The following CSMD1 variants were observed in gnomAD, a reference collection of about 807,000 sequenced individuals.
CSMD1 encodes the protein CUB and Sushi multiple domains 1.
In CSMD1, 213 loss-of-function variants were observed where a neutral mutation model predicts 417.5. That is an observed-to-expected ratio of 0.51 (90% CI 0.46 to 0.57). The LOEUF is 0.57. CSMD1 is among the 20% of genes least tolerant of loss of function. The pLI, the probability that CSMD1 is intolerant of heterozygous loss-of-function variation, is 0.00. For missense variants in CSMD1, 6,923 were observed against 4,529.7 expected (o/e 1.53, Z -15.17); for synonymous variants, 2,862 against 1,736.8 (o/e 1.65, Z -16.11).
At chr8:3,375,821 C>T (rs1237451153) in intron 18 of CSMD1, among the ~76,000 whole-genome samples, 2 of 152,182 alleles carry the variant, frequency 1.3e-5, no homozygotes, top group Non-Finnish European at 2.9e-5. Flanking sequence ...ATTTGATCAT[C>T]ATCTACCTTC....
intron 2 of CSMD1, among the ~76,000 whole-genome samples, chr8:4,501,066 A>T (rs190895611): frequency 7.9e-5 from 12 of 152,278 alleles, no homozygotes; most frequent in Admixed American, 7.9e-4. Context: ...TGGGCCAAAA[A>T]AGATATAATA....
At chr8:4,712,296 G>C (rs1425759946) in intron 1 of CSMD1, among the ~76,000 whole-genome samples, 1 of 152,176 alleles carries the variant, frequency 6.6e-6, no homozygotes, top group Non-Finnish European at 1.5e-5. Context: ...TTCAGTGTGG[G>C]AGATGTAATT....
chr8:3,110,005 T>A (rs1816397440), intron 43 of CSMD1, among the ~76,000 whole-genome samples, 153 bp downstream of exon 43: 1 of 152,220 alleles, frequency 6.6e-6, no homozygotes. Flanking sequence ...GTGAAATTGA[T>A]TCCCTATATC....
chr8:4,134,751 C>G lies in CSMD1; in HGVS notation c.416-102652G>C, dbSNP rs1305241570. Among the ~76,000 whole-genome samples, 3 of 152,174 alleles carry G rather than the reference C, an allele frequency of 2.0e-5. No homozygotes were observed. The East Asian group carries it at 5.8e-4, about 29-fold the overall frequency. ...GAGTCTCCTCCTGACATTCATGTCT[C>G]CAATATACCCCTTCTGAGCCATTCT... On this transcript the variant is annotated intron_variant, in intron 3 of 69. Transcript: ENST00000635120.
At position 4,184,849 on chromosome 8, in the gene CSMD1, A is replaced by G. The variant is rs185946383; in HGVS notation, c.416-152750T>C. Among the ~76,000 whole-genome samples, 658 of 152,136 alleles carry G rather than the reference A, an allele frequency of 4.3e-3. 3 individuals are homozygous for G. Among genetic ancestry groups the G allele is most frequent in the African/African-American group, 0.015 (609 of 41,498 alleles). On this transcript the variant is annotated intron_variant, in intron 3 of 69. Coordinates refer to ENST00000635120, the MANE Select transcript of CSMD1 (RefSeq NM_033225.6). Reference sequence around the variant, plus strand: ...GTACCCCTGAATTTAAAATACCCCAACACTTTCGGAGGCCAAGGTGGGTGG... The same window carrying G: ...GTACCCCTGAATTTAAAATACCCCAGCACTTTCGGAGGCCAAGGTGGGTGG...
intron 58 of CSMD1, 41 bp from the exon 59 acceptor site, chr8:2,965,995 T>C: frequency 6.6e-7 from 1 of 1,516,706 alleles, no homozygotes; most frequent in Non-Finnish European, 9.0e-7. Flanking sequence ...GAAATTCATT[T>C]ACCATGAAAT....
At chr8:3,384,095 T>C (rs553493984) in intron 18 of CSMD1, among the ~76,000 whole-genome samples, 1 of 152,178 alleles carries the variant, frequency 6.6e-6, no homozygotes, top group East Asian at 1.9e-4. Context: ...CCTGGAAAAG[T>C]TCGTTTAGTG....
intron 2 of CSMD1, among the ~76,000 whole-genome samples, chr8:4,635,612 T>A (rs1162443397): frequency 6.6e-6 from 1 of 152,132 alleles, no homozygotes; most frequent in Non-Finnish European, 1.5e-5. Context: ...TCACACACAT[T>A]GGCATTTGAA....
chr8:3,547,985 A>G (rs1377586172), intron 10 of CSMD1, among the ~76,000 whole-genome samples: 1 of 148,436 alleles, frequency 6.7e-6, no homozygotes, highest in Non-Finnish European at 1.5e-5. Context: ...TATGGTAAAG[A>G]AAAAAATAAC....
intron 5 of CSMD1, among the ~76,000 whole-genome samples, chr8:3,776,315 T>G (rs140085829): frequency 1.2e-3 from 178 of 152,194 alleles, no homozygotes; most frequent in African/African-American, 4.1e-3. Context: ...ACAACCCAAA[T>G]TAGATCACAT....
chr8:3,133,081 G>C (rs904909019), intron 41 of CSMD1, among the ~76,000 whole-genome samples: 2 of 152,188 alleles, frequency 1.3e-5, no homozygotes, highest in African/African-American at 4.8e-5. Flanking sequence ...CCAGCTCTGC[G>C]TGAGCCTGCA....
intron 1 of CSMD1, among the ~76,000 whole-genome samples, chr8:4,762,076 G>C (rs896933943): frequency 6.6e-6 from 1 of 152,048 alleles, no homozygotes; most frequent in Non-Finnish European, 1.5e-5. Context: ...AATGATGTAA[G>C]TATAGTAGCT....
At chr8:3,399,233 G>A (rs1811887863) in intron 16 of CSMD1, among the ~76,000 whole-genome samples, 158 bp downstream of exon 16, 1 of 152,116 alleles carries the variant, frequency 6.6e-6, no homozygotes, top group Non-Finnish European at 1.5e-5. Flanking sequence ...CACTGAAGAA[G>A]AACAAAACTT....
intron 49 of CSMD1, among the ~76,000 whole-genome samples, chr8:3,062,565 A>T (rs1305897951): frequency 1.3e-5 from 2 of 152,060 alleles, no homozygotes; most frequent in Admixed American, 6.6e-5. Context: ...ATTAAAAAAA[A>T]AAAAGCCCAG....
intron 15 of CSMD1, among the ~76,000 whole-genome samples, chr8:3,404,601 G>T (rs1161526): frequency 0.82 from 125,079 of 152,132 alleles, 51,805 homozygotes; most frequent in South Asian, 0.87. Context: ...ATATATTCCT[G>T]TTCTATTCAC....
intron 21 of CSMD1, among the ~76,000 whole-genome samples, chr8:3,354,944 G>GATCTATCT (rs1285611160): frequency 3.0e-5 from 2 of 66,004 alleles, no homozygotes; most frequent in East Asian, 5.7e-4. Flanking sequence ...GATATATATA[G>GATCTATCT]AGAGACAGAG....
At chr8:3,029,224 A>G (rs1563255087) in intron 51 of CSMD1, 95 bp downstream of exon 51, 3 of 947,172 alleles carry the variant, frequency 3.2e-6, no homozygotes, top group Admixed American at 5.5e-5. Context: ...ACTATGGTAG[A>G]TGATAGCTCC....
intron 1 of CSMD1, among the ~76,000 whole-genome samples, chr8:4,894,404 T>C (rs889237878): frequency 1.3e-5 from 2 of 151,980 alleles, no homozygotes; most frequent in Non-Finnish European, 2.9e-5. Context: ...TCACTCTTTC[T>C]CTGCCCATTT....
chr8:3,005,813 T>A (rs1324398705), intron 52 of CSMD1, among the ~76,000 whole-genome samples: 1 of 152,098 alleles, frequency 6.6e-6, no homozygotes, highest in Non-Finnish European at 1.5e-5. Context: ...ACAGCCAATA[T>A]CATACTGAAT....
Sources: gnomAD v4.1 joint callset for allele counts (sites outside exome capture counted in the v4.1 genomes callset) on GRCh38, gnomAD v4.1.1 for gene constraint, MANE v1.5 for transcripts, NCBI Gene and HGNC (gene_info 2026-07-23, HGNC 2026-07-21) for gene names.